OBI1: variants seen among roughly 807,000 people sequenced by gnomAD.
The protein encoded by OBI1 is ORC ubiquitin ligase 1.
Under a neutral mutation model 62.4 loss-of-function variants are expected in OBI1, and 59 were observed. The observed-to-expected ratio is 0.95, with a 90% CI of 0.77 to 1.17. The LOEUF (loss-of-function observed/expected upper bound fraction) is 1.17. OBI1 is among the 50% of genes most tolerant of loss of function. OBI1 has a pLI of 0.00. For missense variants in OBI1, 875 were observed against 830.9 expected (o/e 1.05, Z -0.65); for synonymous variants, 302 against 292.8 (o/e 1.03, Z -0.32).
intron 4 of OBI1, among the ~76,000 whole-genome samples, 175 bp downstream of exon 4, chr13:78,638,648 T>A (rs1876100513): frequency 6.6e-6 from 1 of 152,218 alleles, no homozygotes; most frequent in South Asian, 2.1e-4. Flanking sequence ...TTCTTGGCAG[T>A]TAATGATATT....
At chr13:78,644,067 T>A (rs1876307244) in intron 2 of OBI1, among the ~76,000 whole-genome samples, 1 of 152,058 alleles carries the variant, frequency 6.6e-6, no homozygotes, top group Non-Finnish European at 1.5e-5. Context: ...ACCCCACCAA[T>A]ATTAATGTGA....
At chr13:78,626,441 T>C (rs1264275378) in intron 5 of OBI1, among the ~76,000 whole-genome samples, 1 of 152,190 alleles carries the variant, frequency 6.6e-6, no homozygotes. Context: ...GTCATGGAAA[T>C]GATCAACATA....
In OBI1 at chr13:78,644,872, T is replaced by C. The variant is rs541542233; in HGVS notation, c.198A>G (p.Lys66=). The C allele has an allele frequency of 6.2e-7, 1 of 1,614,028 alleles. No individual in the cohort carries two copies. Among genetic ancestry groups the C allele is most frequent in the African/African-American group, 1.3e-5 (1 of 75,034 alleles). ...RVPITPENPC[K]EIIGGTSESE... is the part of the protein sequence containing the mutation. ...AAAACAGGCCCTTACCTATAATTTC[T>C]TTGCAAGGATTTTCAGGAGTGATGG... is the stretch of plus-strand genomic sequence containing the variant. Residue 66 remains lysine, a synonymous_variant, in exon 2 of 6, where the codon AAA becomes AAG. Coordinates refer to ENST00000282003, the MANE Select transcript of OBI1 (RefSeq NM_024546.4).
At position 78,616,825 on chromosome 13, in the gene OBI1, T is replaced by C; in HGVS notation, c.936A>G (p.Leu312=). ...PGSSTSSSSH[L]AKPSSSRLCD... ...ACAGTCTGCTGCTGGAAGGCTTCGC[T>C]AGGTGAGAAGAACTGGAGGTGGATG... The change falls in exon 6 of 6, where the codon CTA becomes CTG. Residue 312 remains leucine, a synonymous_variant. Transcript: ENST00000282003. 1 of 1,614,220 alleles carries C rather than the reference T, an allele frequency of 6.2e-7. No individual in the cohort carries two copies. The highest frequency in any genetic ancestry group is 1.7e-5 in the Admixed American group (1 of 60,022).
intron 5 of OBI1, among the ~76,000 whole-genome samples, chr13:78,630,031 T>A (rs1875799190): frequency 6.6e-6 from 1 of 152,124 alleles, no homozygotes; most frequent in African/African-American, 2.4e-5. Flanking sequence ...GCACATGCTG[T>A]TTTCTCTCAC....
At chr13:78,647,779 C>T (rs1593800002) in intron 1 of OBI1, among the ~76,000 whole-genome samples, 1 of 152,096 alleles carries the variant, frequency 6.6e-6, no homozygotes, top group African/African-American at 2.4e-5. Flanking sequence ...GAGGGGCTGG[C>T]CCCCTTCAAT....
At chr13:78,631,398 G>A (rs1249846923) in intron 5 of OBI1, among the ~76,000 whole-genome samples, 1 of 152,126 alleles carries the variant, frequency 6.6e-6, no homozygotes, top group Non-Finnish European at 1.5e-5. Flanking sequence ...GTCAGAGAGA[G>A]TATTTATTTT....
intron 3 of OBI1, among the ~76,000 whole-genome samples, chr13:78,639,590 C>G (rs1036250533): frequency 3.0e-4 from 44 of 147,656 alleles, no homozygotes; most frequent in Non-Finnish European, 4.6e-4. Flanking sequence ...TTGGAACCAA[C>G]CCAAATGTCC....
Position 78,644,875 on chromosome 13 carries a change from G to A in OBI1, c.195C>T (p.Cys65=). Residue 65 remains cysteine, a synonymous_variant, in exon 2 of 6, where the codon TGC becomes TGT. Coordinates refer to ENST00000282003, the MANE Select transcript of OBI1 (RefSeq NM_024546.4). ...CRVPITPENP[C]KEIIGGTSES... ...ACAGGCCCTTACCTATAATTTCTTTGCAAGGATTTTCAGGAGTGATGGGGA... is the reference window on the plus strand; with the variant it reads ...ACAGGCCCTTACCTATAATTTCTTTACAAGGATTTTCAGGAGTGATGGGGA... The A allele has an allele frequency of 6.2e-7, 1 of 1,613,752 alleles. No individual in the cohort carries two copies. The highest frequency in any genetic ancestry group is 2.2e-5 in the East Asian group (1 of 44,856).
chr13:78,641,266 C>T (rs1481098585), intron 3 of OBI1, among the ~76,000 whole-genome samples: 2 of 152,068 alleles, frequency 1.3e-5, no homozygotes, highest in Non-Finnish European at 2.9e-5. Context: ...TTTTAAATTG[C>T]AATACATTTC....
intron 1 of OBI1, among the ~76,000 whole-genome samples, chr13:78,652,160 T>C (rs1876562760): frequency 6.6e-6 from 1 of 152,186 alleles, no homozygotes; most frequent in African/African-American, 2.4e-5. Context: ...TTCATTTCTT[T>C]GGAAATGAAT....
intron 1 of OBI1, among the ~76,000 whole-genome samples, chr13:78,645,444 T>C (rs976704620): frequency 8.5e-5 from 13 of 152,166 alleles, no homozygotes; most frequent in Non-Finnish European, 1.8e-4. Flanking sequence ...ACAGCAACTA[T>C]TAAATATTGT....
At position 78,655,582 on chromosome 13, in the gene OBI1, T is replaced by C. The variant is rs146431753; in HGVS notation, c.72+3467A>G. ...AACAGGTGAATACCTGGGCTCTCTC[T>C]CCTTCCTCTCCATCCCCACTGGCAT... On this transcript the variant is annotated intron_variant, in intron 1 of 5. Transcript: ENST00000282003. Among the ~76,000 whole-genome samples, 5 of 152,300 alleles carry C rather than the reference T, an allele frequency of 3.3e-5. No homozygotes were observed. The East Asian group carries it at 9.6e-4, about 29-fold the overall frequency.
intron 5 of OBI1, among the ~76,000 whole-genome samples, chr13:78,627,221 G>A (rs562120989): frequency 7.2e-4 from 109 of 151,556 alleles, no homozygotes; most frequent in Non-Finnish European, 1.2e-3. Flanking sequence ...GGAACAAAGC[G>A]GATCTTTTGC....
rs751081669 is a variant in OBI1, at chr13:78,614,800, T to C, written c.*780A>G. 3 of 152,296 alleles carry C rather than the reference T, an allele frequency of 2.0e-5. No homozygotes were observed. Among genetic ancestry groups the C allele is most frequent in the South Asian group, 2.1e-4 (1 of 4,828 alleles). 9.4% of individuals were successfully genotyped at this position (152,296 alleles called of 1,614,324 possible). On this transcript the variant is annotated 3_prime_UTR_variant, in exon 6 of 6. Transcript: ENST00000282003. ...CCAAGTGCTCCATGCCTTCTTTCCATAGTATGCTAAATTTCTGATTTTACA... is the reference window on the plus strand; with the variant it reads ...CCAAGTGCTCCATGCCTTCTTTCCACAGTATGCTAAATTTCTGATTTTACA...
intron 1 of OBI1, among the ~76,000 whole-genome samples, chr13:78,655,551 A>C (rs990718145): frequency 6.6e-6 from 1 of 152,172 alleles, no homozygotes; most frequent in African/African-American, 2.4e-5. Context: ...GCAAAGACAA[A>C]GCATTAACAG....
intron 1 of OBI1, among the ~76,000 whole-genome samples, chr13:78,656,769 T>C (rs1462098337): frequency 7.0e-6 from 1 of 143,416 alleles, no homozygotes; most frequent in Admixed American, 7.0e-5. Flanking sequence ...AATCCTTAAT[T>C]AATTAATTTT....
At chr13:78,641,807 T>C (rs1285305160) in intron 3 of OBI1, among the ~76,000 whole-genome samples, 2 of 149,408 alleles carry the variant, frequency 1.3e-5, no homozygotes, top group African/African-American at 4.9e-5. Context: ...CAAAATGATA[T>C]GTCTGTGGAG....
Position 78,615,911 on chromosome 13 carries a change from G to A in OBI1, c.1850C>T (p.Pro617Leu). ...ATCTTCATTCATTTCTTGGTCAGAT[G>A]GAGAGAGGAGAAAAAAAGAAGTGGG... ...WKPTSFFLLS[P>L]SDQEMNEDFS... is the part of the protein sequence containing the mutation. The change falls in exon 6 of 6, where the codon CCA becomes CTA. Residue 617 changes from proline (P) to leucine (L), a missense_variant. Coordinates refer to ENST00000282003, the MANE Select transcript of OBI1 (RefSeq NM_024546.4). The A allele has an allele frequency of 6.2e-7, 1 of 1,613,958 alleles. No homozygotes were observed. Among genetic ancestry groups the A allele is most frequent in the East Asian group, 2.2e-5 (1 of 44,870 alleles).
Sources: gnomAD v4.1 joint callset for allele counts (sites outside exome capture counted in the v4.1 genomes callset) on GRCh38, gnomAD v4.1.1 for gene constraint, MANE v1.5 for transcripts, NCBI Gene and HGNC (gene_info 2026-07-23, HGNC 2026-07-21) for gene names.